The following ZCCHC2 variants were observed in gnomAD, a reference collection of about 807,000 sequenced individuals.
The protein encoded by ZCCHC2 is zinc finger CCHC domain-containing protein 2.
ZCCHC2 carries 39 observed loss-of-function variants against 103.6 expected under a neutral mutation model. The observed-to-expected ratio is 0.38, with a 90% CI of 0.29 to 0.49. ZCCHC2 has a LOEUF of 0.49. Among genes scored for constraint, ZCCHC2 ranks in the 20% least tolerant of loss-of-function variants. The pLI, the probability that ZCCHC2 is intolerant of heterozygous loss-of-function variation, is 0.96. For synonymous variants in ZCCHC2, 687 were observed against 608.9 expected (o/e 1.13, Z -1.89); for missense variants, 1,483 against 1,491.0 (o/e 0.99, Z 0.09).
intron 3 of ZCCHC2, among the ~76,000 whole-genome samples, chr18:62,543,089 C>T (rs1452715657): frequency 6.6e-6 from 1 of 152,156 alleles, no homozygotes; most frequent in Admixed American, 6.5e-5. Flanking sequence ...TCAGCTGTAT[C>T]GGGAATTCCT....
chr18:62,524,046 G>T lies in ZCCHC2; in HGVS notation c.622G>T (p.Ala208Ser), dbSNP rs1914210173. ...VDSVLKSLRAARGEGSRGGAE... is the reference protein window; with the variant it reads ...VDSVLKSLRASRGEGSRGGAE... ...CTCGGTGCTCAAAAGCCTGCGCGCG[G>T]CCCGGGGCGAGGGCTCGCGGGGCGG... Residue 208 changes from alanine to serine, a missense_variant, in exon 1 of 14, where the codon GCC becomes TCC. Transcript: ENST00000269499. The T allele has an allele frequency of 1.4e-6, 2 of 1,467,308 alleles. No homozygotes were observed. Among genetic ancestry groups the T allele is most frequent in the Non-Finnish European group, 1.8e-6 (2 of 1,121,436 alleles). The allele number at this position is 1,467,308 out of a possible 1,614,324, so 90.9% of individuals were successfully genotyped here. A position where few individuals can be genotyped will look rare whatever the true frequency, so the allele number is the denominator to read the frequency against.
rs368439073 is a variant in ZCCHC2 at position 62,541,963 on chromosome 18, T to A, written c.1052-535T>A. Among the ~76,000 whole-genome samples the A allele has an allele frequency of 1.1e-4, 16 of 152,332 alleles. No individual in the cohort carries two copies. The South Asian group carries it at 3.3e-3, about 32-fold the overall frequency. ...ATAATGTTCAGTTTATATTTATCAT[T>A]ATATGATATTGAGGGTTACATTTGA... On this transcript the variant is annotated intron_variant, in intron 2 of 13. Transcript: ENST00000269499.
At chr18:62,569,114 A>T (rs1916487822) in intron 11 of ZCCHC2, among the ~76,000 whole-genome samples, 1 of 152,200 alleles carries the variant, frequency 6.6e-6, no homozygotes, top group Non-Finnish European at 1.5e-5. Context: ...CAACATCAAC[A>T]TTCCTAATGA....
intron 13 of ZCCHC2, among the ~76,000 whole-genome samples, chr18:62,576,047 A>G (rs1393281716): frequency 2.0e-5 from 3 of 151,438 alleles, no homozygotes; most frequent in Non-Finnish European, 4.4e-5. Flanking sequence ...AAAAGGTCCA[A>G]GATTCTATTG....
At chr18:62,524,486 C>T in intron 1 of ZCCHC2, 123 bp downstream of exon 1, 2 of 1,361,086 alleles carry the variant, frequency 1.5e-6, no homozygotes, top group Non-Finnish European at 1.9e-6. Flanking sequence ...GGAATCCCCA[C>T]CCGGCAGCTC....
At chr18:62,576,470 T>G (rs760769815) in intron 13 of ZCCHC2, 42 bp from the exon 14 acceptor site, 74 of 1,560,052 alleles carry the variant, frequency 4.7e-5, no homozygotes, top group Non-Finnish European at 5.9e-5. Context: ...GTGATGACGT[T>G]TGCTTGTAAG....
chr18:62,576,568 T>C lies in ZCCHC2; in HGVS notation c.3526T>C (p.Ser1176Pro). 6.2e-7 allele frequency: 1 copy of C among 1,613,804 alleles called. No homozygotes were observed. Among genetic ancestry groups the C allele is most frequent in the Non-Finnish European group, 8.5e-7 (1 of 1,179,756 alleles). ...CCCCCCTTCTAATGATACGTTGGATTCTGCAGACTGAAACGAGTAAAGCTT... is the reference window on the plus strand; with the variant it reads ...CCCCCCTTCTAATGATACGTTGGATCCTGCAGACTGAAACGAGTAAAGCTT... Reference protein sequence around the residue: ...PLPPSNDTLDSAD With the variant: ...PLPPSNDTLDPAD Residue 1176 changes from serine (S) to proline (P), a missense_variant, in exon 14 of 14, where the codon TCT becomes CCT. Around this residue, in one of 3 missense-constraint regions of ZCCHC2, gnomAD observed 884 missense variants for 907.5 expected, o/e 0.97. Coordinates refer to ENST00000269499, the MANE Select transcript of ZCCHC2 (RefSeq NM_017742.6).
chr18:62,542,411 C>T (rs1007192587), intron 2 of ZCCHC2, 87 bp from the exon 3 acceptor site: 9 of 958,288 alleles, frequency 9.4e-6, no homozygotes, highest in African/African-American at 1.7e-5. Context: ...TTGTTAAGCA[C>T]TTGTCAACTT....
intron 2 of ZCCHC2, among the ~76,000 whole-genome samples, chr18:62,542,276 A>G (rs1361488360): frequency 6.6e-6 from 1 of 152,150 alleles, no homozygotes; most frequent in Non-Finnish European, 1.5e-5. Flanking sequence ...AGCATGTCGT[A>G]TGGGTATAGA....
At chr18:62,579,737 T>C (rs545772227), downstream of ZCCHC2, among the ~76,000 whole-genome samples, 33 of 151,514 alleles carry the variant, frequency 2.2e-4, no homozygotes, top group African/African-American at 8.0e-4. Flanking sequence ...CTTTTTTTTT[T>C]GTGAGACATG....
At chr18:62,548,991 G>A (rs773166805) in intron 4 of ZCCHC2, among the ~76,000 whole-genome samples, 4 of 152,082 alleles carry the variant, frequency 2.6e-5, no homozygotes, top group Non-Finnish European at 4.4e-5. Flanking sequence ...GGGTCAGGGC[G>A]GGTGGATCAC....
chr18:62,575,231 T>C lies in ZCCHC2; in HGVS notation c.3150T>C (p.Thr1050=). The C allele has an allele frequency of 6.2e-7, 1 of 1,614,008 alleles. No homozygotes were observed. The highest frequency in any genetic ancestry group is 8.5e-7 in the Non-Finnish European group (1 of 1,179,898). The stretch of plus-strand genomic sequence containing the variant: ...TGTACCGAGTCCCTTCATTCTTTAC[T>C]CTGCCATCCATTTGCAATGGCAGCT... ...GPMYRVPSFF[T]LPSICNGSYL... Residue 1050 remains threonine, a synonymous_variant, in exon 13 of 14, where the codon ACT becomes ACC. Coordinates refer to ENST00000269499, the MANE Select transcript of ZCCHC2 (RefSeq NM_017742.6).
intron 1 of ZCCHC2, among the ~76,000 whole-genome samples, chr18:62,531,105 G>A (rs1914654248): frequency 6.6e-6 from 1 of 151,892 alleles, no homozygotes; most frequent in South Asian, 2.1e-4. Context: ...CTACTGTCAA[G>A]GCAGACTGAA....
intron 1 of ZCCHC2, among the ~76,000 whole-genome samples, chr18:62,533,872 C>CAG (rs1914802941): frequency 2.0e-5 from 2 of 99,564 alleles, no homozygotes. Flanking sequence ...AACTCTGCCT[C>CAG]AAAAAAAAAA....
chr18:62,528,261 A>G (rs41326847), intron 1 of ZCCHC2, among the ~76,000 whole-genome samples: 1,867 of 152,382 alleles, frequency 0.012, 34 homozygotes, highest in African/African-American at 0.043. Context: ...AAAATCAAGT[A>G]GCCATGAGTC....
chr18:62,561,458 A>G (rs1258506214), intron 8 of ZCCHC2, among the ~76,000 whole-genome samples: 1 of 152,182 alleles, frequency 6.6e-6, no homozygotes, highest in Non-Finnish European at 1.5e-5. Context: ...CTCAAGTATG[A>G]GCCGTGACTT....
In ZCCHC2 at chr18:62,576,641, A is replaced by C; in HGVS notation, c.*62A>C. Reference sequence around the variant, plus strand: ...TGGGGAGTCATGGGGTGTGGAGGGGAGGAAAGGAAAGGTATTTTGTTTCTT... The same window carrying C: ...TGGGGAGTCATGGGGTGTGGAGGGGCGGAAAGGAAAGGTATTTTGTTTCTT... On this transcript the variant is annotated 3_prime_UTR_variant, in exon 14 of 14. Transcript: ENST00000269499. 8.1e-6 allele frequency: 12 copies of C among 1,473,866 alleles called. No homozygotes were observed. The highest frequency in any genetic ancestry group is 1.1e-5 in the Non-Finnish European group (12 of 1,066,356). The allele number at this position is 1,473,866 out of a possible 1,614,324, so 91.3% of individuals were successfully genotyped here. A position where few individuals can be genotyped will look rare whatever the true frequency, so the allele number is the denominator to read the frequency against.
rs1916879707 is a variant in ZCCHC2 at position 62,577,144 on chromosome 18, G to A, written c.*565G>A. On this transcript the variant is annotated 3_prime_UTR_variant, in exon 14 of 14. Transcript: ENST00000269499. The stretch of plus-strand genomic sequence containing the variant: ...ATGTTTCACCCTGATCTTATGGGAG[G>A]AATCAAACTCCCAAAATAGTGTGTA... 1 of 154,024 alleles carries A rather than the reference G, an allele frequency of 6.5e-6. No individual in the cohort carries two copies. The highest frequency in any genetic ancestry group is 6.4e-5 in the Admixed American group (1 of 15,520). 9.5% of individuals were successfully genotyped at this position (154,024 alleles called of 1,614,324 possible). A position where few individuals can be genotyped will look rare whatever the true frequency, so the allele number is the denominator to read the frequency against.
In ZCCHC2 at chr18:62,550,377, T is replaced by C. The variant is rs200012607; in HGVS notation, c.1230T>C (p.Phe410=). ...CAAAGGAACTGTCTTCAGAGACTTT[T>C]GACAAGACCATCTTAAGAGCCCTGA... ...KLPKELSSET[F]DKTILRALNQ... The change falls in exon 5 of 14, where the codon TTT becomes TTC. Residue 410 remains phenylalanine, a synonymous_variant. Coordinates refer to ENST00000269499, the MANE Select transcript of ZCCHC2 (RefSeq NM_017742.6). 5.0e-6 allele frequency: 8 copies of C among 1,613,860 alleles called. No homozygotes were observed. The highest frequency in any genetic ancestry group is 6.8e-6 in the Non-Finnish European group (8 of 1,179,846).
Sources: allele counts gnomAD v4.1 joint callset (sites outside exome capture counted in the v4.1 genomes callset), GRCh38; gene constraint gnomAD v4.1.1; regional missense constraint gnomAD v4.1.1; transcripts MANE v1.5; gene names NCBI Gene and HGNC (gene_info 2026-07-23, HGNC 2026-07-21).